Variants in CCSER1 observed in about 807,000 individuals in gnomAD.
CCSER1 encodes the protein serine-rich coiled-coil domain-containing protein 1.
A neutral mutation model predicts 82.0 loss-of-function variants in CCSER1; 41 were observed. The observed-to-expected ratio is 0.50, with a 90% confidence interval of 0.39 to 0.65. The LOEUF is 0.65. Ranked by LOEUF, CCSER1 falls within the 30% of genes least tolerant of loss-of-function variation. The probability of loss-of-function intolerance (pLI) is 0.00; values close to 1 mark genes in which losing one functional copy is unlikely to be tolerated. For synonymous variants in CCSER1, 414 were observed against 383.9 expected, an observed-to-expected ratio of 1.08 and a Z score of -0.92; for missense variants, 1,119 against 1,064.2, an observed-to-expected ratio of 1.05 and a Z score of -0.72.
At chr4:90,271,973 C>T (rs1406533715) in intron 1 of CCSER1, among the ~76,000 whole-genome samples, 1 of 147,028 alleles carries the variant, frequency 6.8e-6, no homozygotes, top group Non-Finnish European at 1.5e-5. Context: ...CGGAAGCAGG[C>T]ACCTTTTTTA....
chr4:90,923,996 T>C (rs1019007166), intron 9 of CCSER1, among the ~76,000 whole-genome samples: 2 of 152,204 alleles, frequency 1.3e-5, no homozygotes, highest in South Asian at 2.1e-4. Flanking sequence ...AAACATGTTT[T>C]AATACAGTAT....
intron 1 of CCSER1, among the ~76,000 whole-genome samples, chr4:90,306,667 T>C (rs1734335672): frequency 6.6e-6 from 1 of 152,228 alleles, no homozygotes; most frequent in African/African-American, 2.4e-5. Context: ...GTATTTTACT[T>C]GATCAGTTCT....
chr4:91,004,633 T>G (rs17200531), intron 9 of CCSER1, among the ~76,000 whole-genome samples: 50,191 of 152,054 alleles, frequency 0.33, 9,286 homozygotes, highest in East Asian at 0.43. Flanking sequence ...GTTTAACACT[T>G]CACTGCAAGG....
intron 10 of CCSER1, among the ~76,000 whole-genome samples, chr4:91,197,473 G>A (rs1287210389): frequency 1.3e-5 from 2 of 152,186 alleles, no homozygotes; most frequent in Non-Finnish European, 2.9e-5. Context: ...GCACTTAAAT[G>A]TAGCTCGTGT....
intron 3 of CCSER1, among the ~76,000 whole-genome samples, chr4:90,316,820 G>A (rs887578427): frequency 1.4e-4 from 22 of 152,120 alleles, no homozygotes; most frequent in African/African-American, 5.1e-4. Flanking sequence ...ATCTGGAAGC[G>A]AAAGGACAGG....
chr4:90,978,509 A>G (rs748104426), intron 9 of CCSER1, among the ~76,000 whole-genome samples: 5 of 150,808 alleles, frequency 3.3e-5, no homozygotes, highest in Non-Finnish European at 3.0e-5. Context: ...TCTGCAGTTA[A>G]TTAATGTATT....
chr4:90,448,492 T>G (rs1207025909), intron 4 of CCSER1, among the ~76,000 whole-genome samples: 1 of 133,632 alleles, frequency 7.5e-6, no homozygotes, highest in African/African-American at 2.6e-5. Flanking sequence ...TATAGCACTT[T>G]TCTTCTATTG....
chr4:90,459,829 T>C (rs919329558), intron 4 of CCSER1, among the ~76,000 whole-genome samples: 1 of 152,236 alleles, frequency 6.6e-6, no homozygotes, highest in African/African-American at 2.4e-5. Flanking sequence ...AAGAACACCA[T>C]TGGCTATATC....
chr4:90,916,714 G>C (rs994185940), intron 8 of CCSER1, among the ~76,000 whole-genome samples: 5 of 152,152 alleles, frequency 3.3e-5, no homozygotes, highest in African/African-American at 1.2e-4. Context: ...AATACCATCA[G>C]AGTGAACAGG....
chr4:91,469,455 A>G (rs1362592429), intron 10 of CCSER1, among the ~76,000 whole-genome samples: 1 of 152,166 alleles, frequency 6.6e-6, no homozygotes, highest in Non-Finnish European at 1.5e-5. Flanking sequence ...CCTATCAACC[A>G]CTGTGTGTTC....
At position 90,487,057 on chromosome 4, in the gene CCSER1, GC is replaced by G. The variant is rs573459857; in HGVS notation, c.1724+18706del. On this transcript the variant is annotated intron_variant, in intron 5 of 10. Coordinates refer to ENST00000509176, the MANE Select transcript of CCSER1 (RefSeq NM_001145065.2). ...CTTCTGAGTAGCTGGGATTACAGGG[GC>G]CCACCACCATGCCCAGCTAATTTTT... is the stretch of plus-strand genomic sequence containing the variant. 2.2e-3 allele frequency among the ~76,000 whole-genome samples: 335 copies of G among 152,170 alleles called. 1 individual carries two copies. The highest frequency in any genetic ancestry group is 3.8e-3 in the Non-Finnish European group (261 of 67,988).
At chr4:91,574,292 G>GT in intron 10 of CCSER1, among the ~76,000 whole-genome samples, 1 of 152,224 alleles carries the variant, frequency 6.6e-6, no homozygotes, top group Non-Finnish European at 1.5e-5. Context: ...TATATTCAGT[G>GT]TTGGTGGAAA....
chr4:91,512,670 A>G (rs1463748726), intron 10 of CCSER1, among the ~76,000 whole-genome samples: 1 of 152,186 alleles, frequency 6.6e-6, no homozygotes, highest in African/African-American at 2.4e-5. Context: ...GACTAATACA[A>G]GATCTTTCAC....
intron 10 of CCSER1, among the ~76,000 whole-genome samples, chr4:91,148,664 G>A (rs553898183): frequency 6.6e-6 from 1 of 152,242 alleles, no homozygotes; most frequent in Non-Finnish European, 1.5e-5. Context: ...GCCCCGGTGT[G>A]TGATGTTCCG....
intron 10 of CCSER1, among the ~76,000 whole-genome samples, chr4:91,201,904 A>T (rs1735931697): frequency 1.3e-5 from 2 of 152,078 alleles, no homozygotes; most frequent in Non-Finnish European, 2.9e-5. Context: ...TATTAACAAT[A>T]GGCCATTATG....
At chr4:91,445,456 C>G (rs1031944428) in intron 10 of CCSER1, among the ~76,000 whole-genome samples, 3 of 150,978 alleles carry the variant, frequency 2.0e-5, no homozygotes, top group Non-Finnish European at 4.4e-5. Context: ...AGCAAAGACA[C>G]TTTCTCCCAA....
chr4:91,142,094 C>A (rs948509000), intron 10 of CCSER1, among the ~76,000 whole-genome samples: 24 of 152,016 alleles, frequency 1.6e-4, no homozygotes, highest in African/African-American at 5.1e-4. Context: ...GTGTCCCCAC[C>A]CATATTTCAC....
chr4:90,391,879 A>T (rs1388657283), intron 3 of CCSER1, among the ~76,000 whole-genome samples: 3 of 151,992 alleles, frequency 2.0e-5, no homozygotes, highest in African/African-American at 7.2e-5. Flanking sequence ...CCCCCTTACC[A>T]TGTTTATCAC....
At chr4:91,448,756 T>G (rs1755711694) in intron 10 of CCSER1, among the ~76,000 whole-genome samples, 1 of 152,142 alleles carries the variant, frequency 6.6e-6, no homozygotes, top group Admixed American at 6.6e-5. Context: ...CTTAATTAAT[T>G]TATTCATTCA....
Sources: allele counts gnomAD v4.1 joint callset (sites outside exome capture counted in the v4.1 genomes callset), GRCh38; gene constraint gnomAD v4.1.1; transcripts MANE v1.5; gene names NCBI Gene and HGNC (gene_info 2026-07-23, HGNC 2026-07-21).